The following TMEM123 variants were observed in gnomAD, a reference collection of about 807,000 sequenced individuals.
TMEM123 encodes transmembrane protein 123.
Under a neutral mutation model 19.7 loss-of-function variants are expected in TMEM123, and 16 were observed. That is an observed-to-expected ratio of 0.81 (90% CI 0.55 to 1.23). The LOEUF (loss-of-function observed/expected upper bound fraction) is 1.23. TMEM123 is among the 50% of genes most tolerant of loss of function. The pLI, the probability that TMEM123 is intolerant of heterozygous loss-of-function variation, is 0.00. For missense variants in TMEM123, 313 were observed against 257.8 expected (o/e 1.21, Z -1.47); for synonymous variants, 118 against 99.4 (o/e 1.19, Z -1.12).
intron 2 of TMEM123, among the ~76,000 whole-genome samples, chr11:102,432,179 G>A (rs1208363406): frequency 6.6e-6 from 1 of 152,212 alleles, no homozygotes; most frequent in African/African-American, 2.4e-5. Context: ...AAACAGTTTG[G>A]AGGACTTAGA....
chr11:102,431,888 T>G (rs1857714257), intron 2 of TMEM123, among the ~76,000 whole-genome samples: 1 of 152,124 alleles, frequency 6.6e-6, no homozygotes, highest in Admixed American at 6.5e-5. Context: ...TCTGATGGTT[T>G]TTTAAGCGTC....
chr11:102,408,918 A>C (rs1421396312), intron 2 of TMEM123, among the ~76,000 whole-genome samples: 1 of 152,212 alleles, frequency 6.6e-6, no homozygotes, highest in African/African-American at 2.4e-5. Flanking sequence ...CCATTTTTCT[A>C]GTTTCAAGTA....
intron 2 of TMEM123, among the ~76,000 whole-genome samples, chr11:102,440,671 A>C (rs564998644): frequency 1.3e-5 from 2 of 152,358 alleles, no homozygotes; most frequent in Admixed American, 1.3e-4. Flanking sequence ...CTAACATCAT[A>C]ATGACAGGAT....
At chr11:102,401,866 C>G (rs1951915841) in intron 3 of TMEM123, 50 bp downstream of exon 3, 1 of 1,578,102 alleles carries the variant, frequency 6.3e-7, no homozygotes. Context: ...TTAAATGTGG[C>G]ATTTAACTAC....
chr11:102,438,920 A>G (rs1156284314), intron 2 of TMEM123, among the ~76,000 whole-genome samples: 2 of 152,130 alleles, frequency 1.3e-5, no homozygotes, highest in Non-Finnish European at 2.9e-5. Context: ...GTCTTAGCAA[A>G]TGGCACACCA....
intron 2 of TMEM123, among the ~76,000 whole-genome samples, chr11:102,433,795 G>T (rs200566647): frequency 6.6e-6 from 1 of 151,670 alleles, no homozygotes; most frequent in African/African-American, 2.4e-5. Context: ...CGCTGTTCTC[G>T]TGACAGTTTT....
chr11:102,429,213 C>A (rs931218755), intron 2 of TMEM123, among the ~76,000 whole-genome samples: 1 of 152,068 alleles, frequency 6.6e-6, no homozygotes, highest in Non-Finnish European at 1.5e-5. Context: ...GAATGTTGGA[C>A]AGCAGGTGTC....
At chr11:102,444,178 C>T (rs140957819) in intron 2 of TMEM123, among the ~76,000 whole-genome samples, 6,833 of 152,244 alleles carry the variant, frequency 0.045, 215 homozygotes, top group Non-Finnish European at 0.073. Context: ...ACCATTTGAC[C>T]CGGCCATCCC....
chr11:102,422,110 A>G (rs1952091966), intron 2 of TMEM123, among the ~76,000 whole-genome samples: 1 of 152,228 alleles, frequency 6.6e-6, no homozygotes, highest in Non-Finnish European at 1.5e-5. Flanking sequence ...TTTTACCACT[A>G]TCTTCACTGC....
At chr11:102,432,120 A>G (rs906401869) in intron 2 of TMEM123, among the ~76,000 whole-genome samples, 1 of 152,248 alleles carries the variant, frequency 6.6e-6, no homozygotes, top group Non-Finnish European at 1.5e-5. Context: ...CTCTAAGGAT[A>G]GCTGAAAATG....
chr11:102,437,155 C>A (rs759316227), intron 2 of TMEM123, among the ~76,000 whole-genome samples: 29 of 142,846 alleles, frequency 2.0e-4, no homozygotes, highest in Non-Finnish European at 3.5e-4. Flanking sequence ...TACTTTCCCT[C>A]ACTGTTTATC....
At chr11:102,449,549 C>A (rs200967838) in intron 1 of TMEM123, 1 of 44,832 alleles carries the variant, frequency 2.2e-5, no homozygotes, top group Non-Finnish European at 5.7e-5. Flanking sequence ...CTCTCCCCCA[C>A]TTAAAAAAAA....
chr11:102,429,463 G>C (rs139846267), intron 2 of TMEM123, among the ~76,000 whole-genome samples: 3 of 152,088 alleles, frequency 2.0e-5, no homozygotes, highest in Non-Finnish European at 2.9e-5. Context: ...AAGTTTTGGC[G>C]TACAAAATGA....
Position 102,410,953 on chromosome 11 carries a change from T to C in TMEM123, c.158-8747A>G, listed in dbSNP as rs1951998917. On this transcript the variant is annotated intron_variant, in intron 2 of 4. Transcript: ENST00000398136. ...TTATTATTTTAAAAATTAATGTATC[T>C]TGTGTGTTACAATACAAAATATATT... Among the ~76,000 whole-genome samples the C allele has an allele frequency of 2.0e-5, 3 of 152,200 alleles. No homozygotes were observed. The South Asian group carries it at 6.2e-4, about 32-fold the overall frequency.
At chr11:102,426,081 A>G (rs1952124292) in intron 2 of TMEM123, among the ~76,000 whole-genome samples, 1 of 152,356 alleles carries the variant, frequency 6.6e-6, no homozygotes, top group South Asian at 2.1e-4. Flanking sequence ...TGCCCAACAC[A>G]TAGAATGTAC....
In TMEM123 at chr11:102,396,879, A is replaced by G. The variant is rs958455944; in HGVS notation, c.*1988T>C. On this transcript the variant is annotated 3_prime_UTR_variant, in exon 5 of 5. Coordinates refer to ENST00000398136, the MANE Select transcript of TMEM123 (RefSeq NM_052932.3). ...TTTCTATCTTCAAAGTGCTAAAGAA[A>G]CAAGTATTCAAAAAGAAACTTCAGG... is the stretch of plus-strand genomic sequence containing the variant. 2.0e-5 allele frequency: 3 copies of G among 152,250 alleles called. No homozygotes were observed. Among genetic ancestry groups the G allele is most frequent in the Admixed American group, 1.3e-4 (2 of 15,286 alleles). The allele number at this position is 152,250 out of a possible 1,614,324, so 9.4% of individuals were successfully genotyped here. A position where few individuals can be genotyped will look rare whatever the true frequency, so the allele number is the denominator to read the frequency against.
At chr11:102,411,184 A>T (rs1357164861) in intron 2 of TMEM123, among the ~76,000 whole-genome samples, 1 of 152,148 alleles carries the variant, frequency 6.6e-6, no homozygotes, top group Non-Finnish European at 1.5e-5. Context: ...GCGGGTTGGA[A>T]GTTTCAGCCC....
Position 102,401,957 on chromosome 11 carries a change from G to C in TMEM123, c.407C>G (p.Thr136Ser). ...SQISTSTMTV[T>S]HNSSVTSAAS... ...AGCAGATGTCACTGAACTATTGTGGGTTACGGTCATTGTGGATGTTGATAT... is the reference window on the plus strand; with the variant it reads ...AGCAGATGTCACTGAACTATTGTGGCTTACGGTCATTGTGGATGTTGATAT... The change falls in exon 3 of 5, where the codon ACC becomes AGC. Residue 136 changes from threonine (T) to serine (S), a missense_variant. Coordinates refer to ENST00000398136, the MANE Select transcript of TMEM123 (RefSeq NM_052932.3). The C allele has an allele frequency of 6.2e-7, 1 of 1,614,152 alleles. No individual in the cohort carries two copies. Among genetic ancestry groups the C allele is most frequent in the Non-Finnish European group, 8.5e-7 (1 of 1,180,010 alleles).
At chr11:102,440,678 G>A (rs1391793910) in intron 2 of TMEM123, among the ~76,000 whole-genome samples, 1 of 152,172 alleles carries the variant, frequency 6.6e-6, no homozygotes, top group Non-Finnish European at 1.5e-5. Flanking sequence ...CATAATGACA[G>A]GATCAAATCA....
Sources: allele counts gnomAD v4.1 joint callset (sites outside exome capture counted in the v4.1 genomes callset), GRCh38; gene constraint gnomAD v4.1.1; transcripts MANE v1.5; gene names NCBI Gene and HGNC (gene_info 2026-07-23, HGNC 2026-07-21).